The following PTPRM variants were observed in gnomAD, a reference collection of about 807,000 sequenced individuals.
PTPRM encodes protein tyrosine phosphatase receptor type M, also known as receptor-type tyrosine-protein phosphatase mu.
PTPRM carries 47 observed loss-of-function variants against 186.7 expected under a neutral mutation model. The observed-to-expected ratio is 0.25, with a 90% confidence interval of 0.20 to 0.32. The LOEUF (loss-of-function observed/expected upper bound fraction) is 0.32, where lower values mean the gene tolerates loss of function less well. PTPRM is among the 10% of genes least tolerant of loss of function. The probability of loss-of-function intolerance (pLI) is 1.00; values close to 1 mark genes in which losing one functional copy is unlikely to be tolerated. For missense variants in PTPRM, 1,494 were observed against 1,865.0 expected (o/e 0.80, Z 3.66); for synonymous variants, 668 against 674.9 (o/e 0.99, Z 0.16).
intron 14 of PTPRM, among the ~76,000 whole-genome samples, chr18:8,177,427 G>A (rs1012898178): frequency 7.9e-5 from 12 of 152,340 alleles, no homozygotes; most frequent in East Asian, 3.9e-4. Flanking sequence ...TTCACAATGC[G>A]AGACAGAAGG....
At chr18:8,028,560 A>T (rs181877408) in intron 7 of PTPRM, among the ~76,000 whole-genome samples, 166 of 152,356 alleles carry the variant, frequency 1.1e-3, no homozygotes, top group African/African-American at 3.9e-3. Context: ...GAACTTGCCC[A>T]TTAAAACCAT....
At chr18:7,994,972 A>T (rs1324034335) in intron 7 of PTPRM, among the ~76,000 whole-genome samples, 1 of 152,112 alleles carries the variant, frequency 6.6e-6, no homozygotes, top group Non-Finnish European at 1.5e-5. Context: ...TAAATATCAG[A>T]GCAGAACTAA....
intron 1 of PTPRM, among the ~76,000 whole-genome samples, chr18:7,753,679 A>G (rs1177947733): frequency 2.0e-5 from 3 of 152,164 alleles, no homozygotes; most frequent in African/African-American, 7.2e-5. Flanking sequence ...TTTATCTGTA[A>G]CTGCAGACTT....
At chr18:8,314,919 G>C in intron 21 of PTPRM, 62 bp downstream of exon 21, 5 of 1,061,648 alleles carry the variant, frequency 4.7e-6, no homozygotes, top group Non-Finnish European at 6.9e-6. Context: ...TGCTATGTAT[G>C]ATATTTTGAT....
At chr18:8,049,033 T>C (rs1381684187) in intron 7 of PTPRM, among the ~76,000 whole-genome samples, 2 of 152,180 alleles carry the variant, frequency 1.3e-5, no homozygotes, top group East Asian at 1.9e-4. Context: ...AAACCAATTT[T>C]TGACAGTTCT....
intron 7 of PTPRM, among the ~76,000 whole-genome samples, chr18:8,003,864 T>G (rs2084014974): frequency 6.6e-6 from 1 of 152,182 alleles, no homozygotes; most frequent in Non-Finnish European, 1.5e-5. Flanking sequence ...CCATTCTACT[T>G]AAAGAAACTT....
chr18:7,994,392 A>C (rs2083426747), intron 7 of PTPRM, among the ~76,000 whole-genome samples: 2 of 152,200 alleles, frequency 1.3e-5, no homozygotes, highest in East Asian at 3.9e-4. Context: ...CTTCAACACC[A>C]AACTTGCTTG....
At chr18:7,586,304 G>T (rs974042825) in intron 1 of PTPRM, among the ~76,000 whole-genome samples, 13 of 152,160 alleles carry the variant, frequency 8.5e-5, no homozygotes, top group Non-Finnish European at 1.6e-4. Context: ...TCCACTACGG[G>T]TGGATGAATG....
chr18:8,235,149 T>G (rs984766565), intron 14 of PTPRM, among the ~76,000 whole-genome samples: 3 of 152,118 alleles, frequency 2.0e-5, no homozygotes, highest in Non-Finnish European at 4.4e-5. Flanking sequence ...GGTAGAGAAT[T>G]GGTATGATTG....
At chr18:7,684,330 AAAAT>A (rs765109420) in intron 1 of PTPRM, among the ~76,000 whole-genome samples, 2 of 152,130 alleles carry the variant, frequency 1.3e-5, no homozygotes, top group African/African-American at 4.8e-5. Flanking sequence ...ATGAATGAAT[AAAAT>A]AAATAACATG....
At chr18:7,646,815 A>G (rs1040211932) in intron 1 of PTPRM, among the ~76,000 whole-genome samples, 9 of 152,026 alleles carry the variant, frequency 5.9e-5, no homozygotes, top group Non-Finnish European at 1.3e-4. Context: ...TGAGTAACCT[A>G]TGCAAGATTG....
intron 2 of PTPRM, among the ~76,000 whole-genome samples, chr18:7,778,496 C>T (rs779516121): frequency 1.3e-5 from 2 of 152,022 alleles, no homozygotes; most frequent in Non-Finnish European, 2.9e-5. Flanking sequence ...GAGTTTCGCT[C>T]TTTCACCCAG....
chr18:7,773,425 T>G (rs2042421016), intron 1 of PTPRM, among the ~76,000 whole-genome samples: 1 of 152,290 alleles, frequency 6.6e-6, no homozygotes, highest in Non-Finnish European at 1.5e-5. Context: ...TTATAAATGT[T>G]TCTTCTTTAT....
At chr18:7,652,700 C>G (rs1229628442) in intron 1 of PTPRM, among the ~76,000 whole-genome samples, 1 of 134,580 alleles carries the variant, frequency 7.4e-6, no homozygotes, top group Non-Finnish European at 1.5e-5. Flanking sequence ...GGGAATTGAA[C>G]AGTGAGAACA....
intron 31 of PTPRM, among the ~76,000 whole-genome samples, chr18:8,388,137 G>A (rs968084005): frequency 6.6e-6 from 1 of 152,182 alleles, no homozygotes; most frequent in Non-Finnish European, 1.5e-5. Context: ...TTTCTCATTG[G>A]CAGTGATATG....
At chr18:8,028,594 C>A (rs114204861) in intron 7 of PTPRM, among the ~76,000 whole-genome samples, 1,938 of 152,294 alleles carry the variant, frequency 0.013, 35 homozygotes, top group African/African-American at 0.044. Context: ...ATGTGTAATA[C>A]TTTCTATGCT....
At chr18:7,679,518 A>G (rs2039429437) in intron 1 of PTPRM, among the ~76,000 whole-genome samples, 2 of 152,068 alleles carry the variant, frequency 1.3e-5, no homozygotes, top group African/African-American at 4.8e-5. Flanking sequence ...TAAAGAAATT[A>G]GCTGGCTATG....
chr18:7,773,154 G>C (rs572917434), intron 1 of PTPRM, among the ~76,000 whole-genome samples: 1 of 152,000 alleles, frequency 6.6e-6, no homozygotes, highest in African/African-American at 2.4e-5. Flanking sequence ...CCAGAATTCA[G>C]CAGATGTTTA....
intron 1 of PTPRM, among the ~76,000 whole-genome samples, chr18:7,702,125 TC>T (rs1285159239): frequency 1.3e-5 from 2 of 152,166 alleles, no homozygotes; most frequent in African/African-American, 4.8e-5. Context: ...TGGTTCCAAG[TC>T]TTTGCTATTG....
Sources: gnomAD v4.1 joint callset for allele counts (sites outside exome capture counted in the v4.1 genomes callset) on GRCh38, gnomAD v4.1.1 for gene constraint, MANE v1.5 for transcripts, NCBI Gene and HGNC (gene_info 2026-07-23, HGNC 2026-07-21) for gene names.